The following TENM4 variants were observed in gnomAD, a reference collection of about 807,000 sequenced individuals.
TENM4 encodes teneurin transmembrane protein 4, also known as teneurin-4.
A neutral mutation model predicts 243.3 loss-of-function variants in TENM4; 82 were observed. The ratio of observed to expected loss-of-function variants is 0.34; its 90% CI spans 0.28 to 0.40. TENM4 has a LOEUF of 0.40. Ranked by LOEUF, TENM4 falls within the 10% of genes least tolerant of loss-of-function variation. TENM4 has a pLI of 1.00. For missense variants in TENM4, 3,138 were observed against 3,673.3 expected, an observed-to-expected ratio of 0.85 and a Z score of 3.77; for synonymous variants, 1,412 against 1,456.3, an observed-to-expected ratio of 0.97 and a Z score of 0.69.
chr11:79,047,184 T>C (rs2136923466), intron 6 of TENM4, among the ~76,000 whole-genome samples: 1 of 152,184 alleles, frequency 6.6e-6, no homozygotes. Context: ...TGAAGAAAAA[T>C]AATACCTCTG....
At chr11:79,106,043 T>C (rs1391159445) in intron 4 of TENM4, among the ~76,000 whole-genome samples, 1 of 152,260 alleles carries the variant, frequency 6.6e-6, no homozygotes, top group Non-Finnish European at 1.5e-5. Flanking sequence ...ACCTAGATTC[T>C]AGTCACCACG....
intron 1 of TENM4, among the ~76,000 whole-genome samples, chr11:79,322,862 C>A (rs2135430936): frequency 6.6e-6 from 1 of 152,340 alleles, no homozygotes; most frequent in South Asian, 2.1e-4. Flanking sequence ...GATACAATTT[C>A]TCTTGAGAAT....
chr11:78,726,258 A>G, intron 22 of TENM4, 36 bp from the exon 23 acceptor site: 1 of 1,606,106 alleles, frequency 6.2e-7, no homozygotes, highest in Non-Finnish European at 8.5e-7. Context: ...TGCATAAGTG[A>G]GCAAAGCCCA....
intron 27 of TENM4, among the ~76,000 whole-genome samples, chr11:78,706,770 C>T (rs1859262299): frequency 6.6e-6 from 1 of 152,146 alleles, no homozygotes; most frequent in African/African-American, 2.4e-5. Flanking sequence ...GCACCCTGTG[C>T]TGGCTGGTTG....
chr11:79,381,254 C>T (rs542677162), intron 1 of TENM4, among the ~76,000 whole-genome samples: 1 of 150,110 alleles, frequency 6.7e-6, no homozygotes, highest in East Asian at 1.9e-4. Context: ...CGGCCTGGAA[C>T]TTCTAAACAA....
chr11:79,098,234 T>G (rs1163635289), intron 4 of TENM4, among the ~76,000 whole-genome samples: 1 of 112,630 alleles, frequency 8.9e-6, no homozygotes. Context: ...CCCCCCCATC[T>G]CCCAGCTCAG....
At chr11:78,774,579 A>G (rs1856704718) in intron 17 of TENM4, among the ~76,000 whole-genome samples, 1 of 152,228 alleles carries the variant, frequency 6.6e-6, no homozygotes, top group Admixed American at 6.5e-5. Context: ...AGAATGTACC[A>G]GTGCCTGCAT....
intron 15 of TENM4, among the ~76,000 whole-genome samples, chr11:78,800,541 G>A (rs1257635845): frequency 2.6e-5 from 4 of 152,124 alleles, no homozygotes; most frequent in African/African-American, 7.2e-5. Context: ...GTTCGCTGTC[G>A]GGTAGTGTGC....
chr11:79,322,624 A>C (rs995108405), intron 1 of TENM4, among the ~76,000 whole-genome samples: 1 of 152,198 alleles, frequency 6.6e-6, no homozygotes, highest in Non-Finnish European at 1.5e-5. Context: ...CATAAACATA[A>C]AGCAATTTGG....
intron 4 of TENM4, among the ~76,000 whole-genome samples, chr11:79,144,840 GA>G (rs1862367327): frequency 6.6e-6 from 1 of 151,800 alleles, no homozygotes; most frequent in Admixed American, 6.6e-5. Context: ...AATATAGTTA[GA>G]ATAAATAAAA....
chr11:79,415,886 T>A (rs536131692), intron 1 of TENM4, among the ~76,000 whole-genome samples: 1 of 148,464 alleles, frequency 6.7e-6, no homozygotes, highest in African/African-American at 2.5e-5. Flanking sequence ...CCCTTGATAA[T>A]CCCTCCCACC....
intron 1 of TENM4, among the ~76,000 whole-genome samples, chr11:79,383,862 A>G (rs900534797): frequency 6.6e-6 from 1 of 152,236 alleles, no homozygotes; most frequent in African/African-American, 2.4e-5. Flanking sequence ...TCAAGCCTTG[A>G]ACAAGAAACC....
At position 78,781,584 on chromosome 11, in the gene TENM4, G is replaced by T. The variant is rs548405065; in HGVS notation, c.2366-2956C>A. Among the ~76,000 whole-genome samples, 14 of 152,136 alleles carry T rather than the reference G, an allele frequency of 9.2e-5. No homozygotes were observed. The South Asian group carries it at 1.0e-3, about 11-fold the overall frequency. ...ACAGAGGTTTCCAAAAGTTTCTCTT[G>T]GGATAATCTTAAGAATCTTCAGGGG... On this transcript the variant is annotated intron_variant, in intron 16 of 33. Coordinates refer to ENST00000278550, the MANE Select transcript of TENM4 (RefSeq NM_001098816.3).
At chr11:78,731,219 A>G (rs1855660060) in intron 21 of TENM4, among the ~76,000 whole-genome samples, 1 of 152,166 alleles carries the variant, frequency 6.6e-6, no homozygotes, top group Non-Finnish European at 1.5e-5. Context: ...GCCAGGGTTG[A>G]GTAACAAATT....
At chr11:79,062,040 C>T (rs542820929) in intron 6 of TENM4, among the ~76,000 whole-genome samples, 8 of 150,140 alleles carry the variant, frequency 5.3e-5, no homozygotes, top group East Asian at 2.0e-4. Context: ...TGGCTCATGG[C>T]AACCTCTGCC....
intron 11 of TENM4, 130 bp downstream of exon 11, chr11:78,855,834 G>T: frequency 1.1e-6 from 1 of 869,744 alleles, no homozygotes. Flanking sequence ...GGGACTACAT[G>T]AATGAATGGG....
chr11:79,130,115 G>A (rs1187675883), intron 4 of TENM4, among the ~76,000 whole-genome samples: 3 of 152,120 alleles, frequency 2.0e-5, no homozygotes, highest in Non-Finnish European at 4.4e-5. Context: ...CTTGCTGGGT[G>A]GCTAGACCCA....
chr11:79,159,184 C>T lies in TENM4; in HGVS notation c.-162-10378G>A, dbSNP rs545907482. Reference sequence around the variant, plus strand: ...CCTCATCTGTGATATGAGCAGGAAACGCATCTTTGTTGAGTCAACATCGCT... The same window carrying T: ...CCTCATCTGTGATATGAGCAGGAAATGCATCTTTGTTGAGTCAACATCGCT... On this transcript the variant is annotated intron_variant, in intron 3 of 33. Coordinates refer to ENST00000278550, the MANE Select transcript of TENM4 (RefSeq NM_001098816.3). Among the ~76,000 whole-genome samples, 126 of 152,172 alleles carry T rather than the reference C, an allele frequency of 8.3e-4. 1 individual carries two copies. The highest frequency in any genetic ancestry group is 2.4e-3 in the African/African-American group (101 of 41,530).
intron 2 of TENM4, among the ~76,000 whole-genome samples, chr11:79,296,320 G>T (rs1462300619): frequency 1.3e-5 from 2 of 152,076 alleles, no homozygotes; most frequent in African/African-American, 4.8e-5. Flanking sequence ...GCACAAGAAG[G>T]GGGCCGGGGG....
Sources: allele counts gnomAD v4.1 joint callset (sites outside exome capture counted in the v4.1 genomes callset), GRCh38; gene constraint gnomAD v4.1.1; transcripts MANE v1.5; gene names NCBI Gene and HGNC (gene_info 2026-07-23, HGNC 2026-07-21).